Variants in PLEKHA5 observed in about 807,000 individuals in gnomAD.
The protein encoded by PLEKHA5 is pleckstrin homology domain containing A5, also known as pleckstrin homology domain-containing family A member 5.
In PLEKHA5, 55 loss-of-function variants were observed where a neutral mutation model predicts 181.9. The observed-to-expected ratio is 0.30, with a 90% CI of 0.24 to 0.38. The LOEUF (loss-of-function observed/expected upper bound fraction) is 0.38, where lower values mean the gene tolerates loss of function less well. PLEKHA5 is among the 10% of genes least tolerant of loss of function. The pLI is 1.00. For missense variants in PLEKHA5, 1,432 were observed against 1,549.5 expected (o/e 0.92, Z 1.27); for synonymous variants, 535 against 529.4 (o/e 1.01, Z -0.15).
intron 29 of PLEKHA5, among the ~76,000 whole-genome samples, chr12:19,364,089 T>TG (rs2095346923): frequency 6.6e-6 from 1 of 152,198 alleles, no homozygotes; most frequent in Non-Finnish European, 1.5e-5. Context: ...AGAATCAACT[T>TG]TTAATTCCAA....
At chr12:19,309,010 C>T (rs369883901) in intron 15 of PLEKHA5, among the ~76,000 whole-genome samples, 2 of 151,590 alleles carry the variant, frequency 1.3e-5, no homozygotes, top group South Asian at 4.2e-4. Flanking sequence ...TGCAGTGAGC[C>T]GAGATTGCGC....
rs2094368426 is a variant in PLEKHA5, at chr12:19,347,044, T to C, written c.2760T>C (p.Phe920=). The change falls in exon 24 of 32, where the codon TTT becomes TTC. Residue 920 remains phenylalanine (F), a synonymous_variant. Coordinates refer to ENST00000429027, the MANE Select transcript of PLEKHA5 (RefSeq NM_001256470.2). The part of the protein sequence containing the change: ...PRPPLPRSYD[F]TEQPPIIPPL... ...CTCCACTTCCTCGGTCCTATGACTT[T>C]ACAGAGCAGCCTCCCATAATCCCCC... is the stretch of plus-strand genomic sequence containing the variant. 2 of 1,551,694 alleles carry C rather than the reference T, an allele frequency of 1.3e-6. No individual in the cohort carries two copies. The highest frequency in any genetic ancestry group is 1.7e-6 in the Non-Finnish European group (2 of 1,146,834).
At chr12:19,137,192 C>A (rs186506394) in intron 3 of PLEKHA5, among the ~76,000 whole-genome samples, 195 of 152,178 alleles carry the variant, frequency 1.3e-3, no homozygotes, top group African/African-American at 4.5e-3. Flanking sequence ...ACCACCACCA[C>A]GCCTGGCTAA....
chr12:19,283,483 T>C lies in PLEKHA5; in HGVS notation c.1517T>C (p.Met506Thr). 1 of 1,614,100 alleles carries C rather than the reference T, an allele frequency of 6.2e-7. No homozygotes were observed. The highest frequency in any genetic ancestry group is 1.6e-4 in the Middle Eastern group (1 of 6,062). The change falls in exon 12 of 32, where the codon ATG becomes ACG. Residue 506 changes from methionine to threonine, a missense_variant. Met to Thr is a moderately conservative substitution (Grantham distance 81). Transcript: ENST00000429027. ...EKRRSMRDDTMWQLYEWQQRQ... is the reference protein window; with the variant it reads ...EKRRSMRDDTTWQLYEWQQRQ... ...CGGAGGTCCATGAGAGATGACACAA[T>C]GTGGCAGCTCTACGAATGGCAGCAG... is the stretch of plus-strand genomic sequence containing the variant.
Position 19,130,065 on chromosome 12 carries a change from G to A in PLEKHA5, c.104G>A (p.Ser35Asn). ...CACCCCTGCAGCGAGGAGGCCAAGA[G>A]CACCACCTGGCTGCACCCCGTCACC... ...RVFFINEEAKSTTWLHPVTGE... is the reference protein window; with the variant it reads ...RVFFINEEAKNTTWLHPVTGE... Residue 35 changes from serine (S) to asparagine (N), a missense_variant, in exon 2 of 32, where the codon AGC becomes AAC. Ser to Asn is a conservative substitution (Grantham distance 46). Around this residue, in one of 2 missense-constraint regions of PLEKHA5, gnomAD observed 289 missense variants for 381.1 expected, o/e 0.76. Coordinates refer to ENST00000429027, the MANE Select transcript of PLEKHA5 (RefSeq NM_001256470.2). The surrounding 1 kb of genome is among the most constrained non-coding windows in gnomAD (Gnocchi z 4.5). 1 of 1,590,478 alleles carries A rather than the reference G, an allele frequency of 6.3e-7. No homozygotes were observed. Among genetic ancestry groups the A allele is most frequent in the South Asian group, 1.1e-5 (1 of 87,344 alleles).
chr12:19,340,432 A>AC (rs2093790089), intron 21 of PLEKHA5, among the ~76,000 whole-genome samples: 16 of 42,360 alleles, frequency 3.8e-4, no homozygotes, highest in Middle Eastern at 0.016. Flanking sequence ...CTGCCCGGCC[A>AC]CCACCCCGTC....
intron 3 of PLEKHA5, among the ~76,000 whole-genome samples, chr12:19,161,194 T>A (rs922234140): frequency 6.6e-6 from 1 of 151,892 alleles, no homozygotes; most frequent in African/African-American, 2.4e-5. Flanking sequence ...GTAGGAAAAC[T>A]TCATGTATTT....
intron 3 of PLEKHA5, among the ~76,000 whole-genome samples, chr12:19,134,025 A>C (rs1043570633): frequency 1.3e-5 from 2 of 152,088 alleles, no homozygotes; most frequent in Non-Finnish European, 2.9e-5. Context: ...AGCTCATCTT[A>C]TAAAAACAGA....
intron 6 of PLEKHA5, among the ~76,000 whole-genome samples, chr12:19,259,154 C>T (rs375150192): frequency 1.3e-5 from 2 of 151,408 alleles, no homozygotes; most frequent in Admixed American, 6.6e-5. Flanking sequence ...CCCAGGAGTT[C>T]GAGACCAGCT....
intron 3 of PLEKHA5, among the ~76,000 whole-genome samples, chr12:19,171,291 T>C (rs1341981645): frequency 6.6e-6 from 1 of 152,176 alleles, no homozygotes; most frequent in Non-Finnish European, 1.5e-5. Context: ...CTGAGGAAGA[T>C]GAAGATAATC....
intron 3 of PLEKHA5, among the ~76,000 whole-genome samples, chr12:19,142,425 A>ACATGATGAC (rs1193444542): frequency 1.3e-5 from 2 of 152,188 alleles, no homozygotes; most frequent in Non-Finnish European, 2.9e-5. Context: ...GTAAAATAGG[A>ACATGATGAC]CATGATGACA....
At chr12:19,199,519 C>G (rs1213866591) in intron 3 of PLEKHA5, among the ~76,000 whole-genome samples, 1 of 151,980 alleles carries the variant, frequency 6.6e-6, no homozygotes, top group Non-Finnish European at 1.5e-5. Flanking sequence ...GTTTTTCTCC[C>G]CAGTGGTTGG....
chr12:19,272,477 G>A (rs1018856867), intron 10 of PLEKHA5, among the ~76,000 whole-genome samples: 15 of 152,116 alleles, frequency 9.9e-5, no homozygotes, highest in African/African-American at 1.9e-4. Context: ...GGTGGCTCAC[G>A]CTTGTAACCC....
chr12:19,297,628 CAAAAAAAA>C lies in PLEKHA5; in HGVS notation c.2037+5946_2037+5953del, dbSNP rs934426933. 7.7e-3 allele frequency among the ~76,000 whole-genome samples: 491 copies of C among 63,776 alleles called. 1 individual carries two copies. Among genetic ancestry groups the C allele is most frequent in the Non-Finnish European group, 0.013 (402 of 30,610 alleles). The allele number at this position is 63,776 out of a possible 152,430, so 41.8% of individuals were successfully genotyped here. On this transcript the variant is annotated intron_variant, in intron 15 of 31. Transcript: ENST00000429027. ...TGGGCGACAGAGCGAGGCTCCGTCT[CAAAAAAAA>C]AAAAAAAAAAAAAATACAGTGCAAG...
chr12:19,135,798 T>TA (rs915293280), intron 3 of PLEKHA5, among the ~76,000 whole-genome samples: 10 of 151,830 alleles, frequency 6.6e-5, no homozygotes, highest in African/African-American at 1.9e-4. Context: ...GCAGCTAGAT[T>TA]AAAAAAATAT....
chr12:19,167,082 TTTA>T (rs1267490393), intron 3 of PLEKHA5, among the ~76,000 whole-genome samples: 2 of 152,198 alleles, frequency 1.3e-5, no homozygotes, highest in Non-Finnish European at 2.9e-5. Flanking sequence ...CACCTCATTA[TTTA>T]CCTGTTGTAT....
chr12:19,243,889 T>G (rs937360717), intron 3 of PLEKHA5, among the ~76,000 whole-genome samples: 1 of 152,222 alleles, frequency 6.6e-6, no homozygotes, highest in Admixed American at 6.5e-5. Context: ...CTTTTGTTCT[T>G]AAAACATTGC....
At chr12:19,215,642 G>T (rs1164235534) in intron 3 of PLEKHA5, among the ~76,000 whole-genome samples, 1 of 152,118 alleles carries the variant, frequency 6.6e-6, no homozygotes, top group Non-Finnish European at 1.5e-5. Context: ...TCTACTCTGA[G>T]ACCCCTTTAA....
At chr12:19,331,087 C>T in intron 20 of PLEKHA5, among the ~76,000 whole-genome samples, 1 of 151,992 alleles carries the variant, frequency 6.6e-6, no homozygotes, top group Non-Finnish European at 1.5e-5. Context: ...GAGAAGCAAA[C>T]CAGAAGTAAA....
Sources: gnomAD v4.1 joint callset for allele counts (sites outside exome capture counted in the v4.1 genomes callset) on GRCh38, gnomAD v4.1.1 for gene constraint, gnomAD v4.1.1 regional missense constraint, Gnocchi (gnomAD v3.1) non-coding constraint, MANE v1.5 for transcripts, NCBI Gene and HGNC (gene_info 2026-07-23, HGNC 2026-07-21) for gene names.